Variants in BICDL2 observed in about 807,000 individuals in gnomAD.
The protein encoded by BICDL2 is BICD family like cargo adaptor 2.
Under a neutral mutation model 56.6 loss-of-function variants are expected in BICDL2, and 62 were observed. The observed-to-expected ratio is 1.10, with a 90% CI of 0.89 to 1.35. The LOEUF (loss-of-function observed/expected upper bound fraction) is 1.35. Among genes scored for constraint, BICDL2 ranks in the 40% most tolerant of loss-of-function variants. The pLI is 0.00. For synonymous variants in BICDL2, 358 were observed against 319.8 expected (o/e 1.12, Z -1.27); for missense variants, 808 against 684.5 (o/e 1.18, Z -2.01).
Position 3,031,063 on chromosome 16 carries a change from C to A in BICDL2, c.370G>T (p.Asp124Tyr). The change falls in exon 3 of 10, where the codon GAC (aspartate) becomes TAC (tyrosine). Residue 124 changes from aspartate to tyrosine, a missense_variant. Transcript: ENST00000572449. ...WEARAVELEGDVEALRAQLGE... is the reference protein window; with the variant it reads ...WEARAVELEGYVEALRAQLGE... ...AGCTGGGCCCGCAGGGCCTCCACGTCCCCCTCCAGCTCCACGGCCCGGGCC... is the reference window on the plus strand; with the variant it reads ...AGCTGGGCCCGCAGGGCCTCCACGTACCCCTCCAGCTCCACGGCCCGGGCC... 6.5e-7 allele frequency: 1 copy of A among 1,537,974 alleles called. No individual in the cohort carries two copies. The highest frequency in any genetic ancestry group is 2.4e-5 in the East Asian group (1 of 40,918).
At chr16:3,032,137 T>G (rs1294098033) in intron 2 of BICDL2, 1 of 152,258 alleles carries the variant, frequency 6.6e-6, no homozygotes, top group Non-Finnish European at 1.5e-5. Context: ...TTTCACCATG[T>G]TGGCCAGGCT....
At chr16:3,033,795 GA>G (rs71391798) in intron 2 of BICDL2, among the ~76,000 whole-genome samples, 2,420 of 148,884 alleles carry the variant, frequency 0.016, 64 homozygotes, top group African/African-American at 0.055. Context: ...TCCAAAAAAA[GA>G]AAAAAAAAAT....
chr16:3,034,504 A>G (rs1370180039), intron 2 of BICDL2, among the ~76,000 whole-genome samples: 1 of 152,078 alleles, frequency 6.6e-6, no homozygotes, highest in African/African-American at 2.4e-5. Flanking sequence ...CTGGTCTTGA[A>G]GTCCCGACCT....
At chr16:3,031,487 C>T (rs1475222492) in intron 2 of BICDL2, 9 of 520,888 alleles carry the variant, frequency 1.7e-5, no homozygotes, top group East Asian at 3.0e-5. Flanking sequence ...GAGTTCAAGC[C>T]CCGGCCCATG....
chr16:3,035,189 A>ACCCCCCCCCCCCCCCCCCCC, intron 2 of BICDL2, 26 bp downstream of exon 2: 2 of 57,702 alleles, frequency 3.5e-5, no homozygotes, highest in South Asian at 1.3e-4. Context: ...CCACCCACCC[A>ACCCCCCCCCCCCCCCCCCCC]CCCACCCCGT....
In BICDL2 at chr16:3,027,849, C is replaced by T. The variant is rs1028880356; in HGVS notation, c.*257G>A. ...ACATAAATACCCAGCCCCATCCCTG[C>T]CCTAGAAAAGATAGACGTATATTAA... On this transcript the variant is annotated 3_prime_UTR_variant, in exon 10 of 10. Transcript: ENST00000572449. 4 of 830,280 alleles carry T rather than the reference C, an allele frequency of 4.8e-6. No homozygotes were observed. The highest frequency in any genetic ancestry group is 7.1e-6 in the Non-Finnish European group (4 of 559,532). The allele number at this position is 830,280 out of a possible 1,614,324, so 51.4% of individuals were successfully genotyped here.
At position 3,028,752 on chromosome 16, in the gene BICDL2, G is replaced by A. The variant is rs1251988206; in HGVS notation, c.1186C>T (p.Pro396Ser). Residue 396 changes from proline (P) to serine (S), a missense_variant, in exon 8 of 10, where the codon CCT (proline) becomes TCT (serine). Pro to Ser is a moderately conservative substitution (Grantham distance 74). Transcript: ENST00000572449. ...AGGGCACTGTGCAGGGCCTCCCCAG[G>A]GTCTTCCTGCGCCCGCAGCTCCTTC... ...RQKELRAQEDPGEALHSALSD... is the reference protein window; with the variant it reads ...RQKELRAQEDSGEALHSALSD... The A allele has an allele frequency of 6.4e-7, 1 of 1,562,766 alleles. No homozygotes were observed. The highest frequency in any genetic ancestry group is 8.7e-7 in the Non-Finnish European group (1 of 1,153,720).
intron 5 of BICDL2, 37 bp from the exon 6 acceptor site, chr16:3,029,776 AGC>A: frequency 6.9e-7 from 1 of 1,448,562 alleles, no homozygotes. Context: ...GCGGGCGGTC[AGC>A]GGGACGCACG....
At chr16:3,036,151 A>G in intron 1 of BICDL2, 1 of 410,210 alleles carries the variant, frequency 2.4e-6, no homozygotes, top group Non-Finnish European at 4.8e-6. Flanking sequence ...TTCCCACCCC[A>G]GTCCCCATTT....
intron 7 of BICDL2, 27 bp from the exon 8 acceptor site, chr16:3,028,857 G>C: frequency 6.5e-7 from 1 of 1,526,786 alleles, no homozygotes; most frequent in Non-Finnish European, 8.8e-7. Flanking sequence ...GGGGCCGTGC[G>C]GCAGATGGGC....
At chr16:3,028,962 T>C in intron 7 of BICDL2, 132 bp from the exon 8 acceptor site, 1 of 1,229,370 alleles carries the variant, frequency 8.1e-7, no homozygotes, top group Non-Finnish European at 1.1e-6. Flanking sequence ...CGTGGCCCTG[T>C]GCTGGAGACT....
Position 3,029,659 on chromosome 16 carries a change from C to G in BICDL2, c.843G>C (p.Glu281Asp), listed in dbSNP as rs1288378880. The change falls in exon 6 of 10, where the codon GAG (glutamate) becomes GAC (aspartate). Residue 281 changes from glutamate (E) to aspartate (D), a missense_variant. Glu to Asp is a conservative substitution (Grantham distance 45, BLOSUM62 2). Transcript: ENST00000572449. The part of the protein sequence containing the change: ...RLQRRVSELE[E>D]ESRLQDADVS... ...CGTCGGCGTCCTGGAGGCGTGACTC[C>G]TCCTCCAGCTCGGAGACGCGCCGCT... is the stretch of plus-strand genomic sequence containing the variant. 6.5e-7 allele frequency: 1 copy of G among 1,536,630 alleles called. No homozygotes were observed. Among genetic ancestry groups the G allele is most frequent in the Non-Finnish European group, 8.7e-7 (1 of 1,146,636 alleles).
chr16:3,028,506 T>A (rs553644049), intron 8 of BICDL2, 38 bp from the exon 9 acceptor site: 3 of 1,565,922 alleles, frequency 1.9e-6, no homozygotes, highest in Non-Finnish European at 1.7e-6. Context: ...TTGAGGGCGC[T>A]AGGGCCTCAG....
intron 1 of BICDL2, chr16:3,035,823 T>C (rs1955726879): frequency 7.7e-6 from 3 of 388,274 alleles, no homozygotes; most frequent in African/African-American, 4.1e-5. Flanking sequence ...CTGCTCCCTG[T>C]CCCCTCTCTT....
rs1955601507 is a variant in BICDL2 at position 3,028,790 on chromosome 16, T to C, written c.1148A>G (p.Glu383Gly). 6.4e-7 allele frequency: 1 copy of C among 1,556,762 alleles called. No individual in the cohort carries two copies. The highest frequency in any genetic ancestry group is 1.4e-5 in the African/African-American group (1 of 73,400). Residue 383 changes from glutamate (E) to glycine (G), a missense_variant, in exon 8 of 10, where the codon GAG becomes GGG. Coordinates refer to ENST00000572449, the MANE Select transcript of BICDL2 (RefSeq NM_001369667.1). ...CCGCAGCTCCTTCTGCCTCTGCAGC[T>C]CTTCCCGCAGGGACTGCAGCTCTGC... is the stretch of plus-strand genomic sequence containing the variant. ...QQAELQSLREELQRQKELRAQ... is the reference protein window; with the variant it reads ...QQAELQSLREGLQRQKELRAQ...
Position 3,029,719 on chromosome 16 carries a change from C to T in BICDL2, c.783G>A (p.Glu261=), listed in dbSNP as rs1374101621. Residue 261 remains glutamate (E), a synonymous_variant, in exon 6 of 10, where the codon GAG becomes GAA. Coordinates refer to ENST00000572449, the MANE Select transcript of BICDL2 (RefSeq NM_001369667.1). The part of the protein sequence containing the change: ...HSLELERARS[E]AGEALSALRR... ...GCAGCGCACTCAGCGCCTCCCCAGCCTCTGACCGTGCGCGTTCCAGCTGTG... is the reference window on the plus strand; with the variant it reads ...GCAGCGCACTCAGCGCCTCCCCAGCTTCTGACCGTGCGCGTTCCAGCTGTG... 3.3e-6 allele frequency: 5 copies of T among 1,536,384 alleles called. No individual in the cohort carries two copies. Among genetic ancestry groups the T allele is most frequent in the African/African-American group, 2.8e-5 (2 of 72,654 alleles).
At chr16:3,031,733 G>A (rs1317659668) in intron 2 of BICDL2, 3 of 392,156 alleles carry the variant, frequency 7.7e-6, no homozygotes, top group East Asian at 3.6e-5. Flanking sequence ...AAGCGGGATG[G>A]GCCTGGATGA....
intron 5 of BICDL2, chr16:3,030,005 T>G (rs184052242): frequency 1.9e-6 from 1 of 518,834 alleles, no homozygotes; most frequent in East Asian, 3.4e-5. Context: ...CAGTAATTGT[T>G]TCATGCAGCA....
rs777728130 is a variant in BICDL2 at position 3,030,755 on chromosome 16, G to T, written c.556C>A (p.Gln186Lys). The change falls in exon 4 of 10, where the codon CAG becomes AAG. Residue 186 changes from glutamine to lysine, a missense_variant. By Grantham distance (53) the Gln-to-Lys change is moderately conservative (BLOSUM62 1). Transcript: ENST00000572449. ...TCTGCTCCAGCCAGTGCCTGAGCCT[G>T]GCACTGTCCCCGAAGGGCGTCCAGT... Reference protein sequence around the residue: ...RELDALRGQCQAQALAGAELR... With the variant: ...RELDALRGQCKAQALAGAELR... The T allele has an allele frequency of 3.1e-6, 5 of 1,612,790 alleles. No individual in the cohort carries two copies. In the East Asian group the frequency reaches 1.1e-4, roughly 36 times the overall value.
Sources: allele counts gnomAD v4.1 joint callset (sites outside exome capture counted in the v4.1 genomes callset), GRCh38; gene constraint gnomAD v4.1.1; transcripts MANE v1.5; gene names NCBI Gene and HGNC (gene_info 2026-07-23, HGNC 2026-07-21).